Variants in UNC79 observed in about 807,000 individuals in gnomAD.
The protein encoded by UNC79 is unc-79 subunit of NALCN channel complex.
A neutral mutation model predicts 283.1 loss-of-function variants in UNC79; 37 were observed. That is an observed-to-expected ratio of 0.13 (90% CI 0.10 to 0.17). The LOEUF is 0.17. Ranked by LOEUF, UNC79 falls within the 10% of genes least tolerant of loss-of-function variation. The pLI is 1.00. For synonymous variants in UNC79, 1,107 were observed against 1,200.2 expected (o/e 0.92, Z 1.61); for missense variants, 2,272 against 3,211.1 (o/e 0.71, Z 7.07).
chr14:93,601,249 CCCCTTCCA>C (rs983411077), intron 25 of UNC79, among the ~76,000 whole-genome samples: 3 of 148,782 alleles, frequency 2.0e-5, no homozygotes, highest in African/African-American at 7.4e-5. Flanking sequence ...ATCCCTCACC[CCCCTTCCA>C]CCCTTCCCCC....
At chr14:93,566,521 A>G (rs1336997384) in intron 14 of UNC79, among the ~76,000 whole-genome samples, 1 of 152,112 alleles carries the variant, frequency 6.6e-6, no homozygotes, top group Non-Finnish European at 1.5e-5. Context: ...GTAACAGGCC[A>G]CCTGGTGGTC....
At chr14:93,633,585 A>C (rs751190723) in intron 31 of UNC79, among the ~76,000 whole-genome samples, 16 of 152,142 alleles carry the variant, frequency 1.1e-4, no homozygotes, top group Non-Finnish European at 2.2e-4. Context: ...GTTGTCAAAT[A>C]TACAAGGTAT....
At position 93,634,823 on chromosome 14, in the gene UNC79, G is replaced by T. The variant is rs755735811; in HGVS notation, c.5717-2393G>T. Among the ~76,000 whole-genome samples the T allele has an allele frequency of 2.0e-5, 3 of 152,122 alleles. No individual in the cohort carries two copies. The East Asian group carries it at 5.8e-4, about 29-fold the overall frequency. On this transcript the variant is annotated intron_variant, in intron 31 of 48. Transcript: ENST00000555664. ...CTTCCCAAGTGTTCTAGAGTGACAC[G>T]CTCTTCCGTTGAGGCTGGCCCAACT...
chr14:93,608,748 CA>C (rs1387784167), intron 26 of UNC79, among the ~76,000 whole-genome samples: 2 of 152,194 alleles, frequency 1.3e-5, no homozygotes, highest in African/African-American at 4.8e-5. Flanking sequence ...AGTCAGTTCA[CA>C]TAGAGAAACG....
chr14:93,505,599 C>T (rs74545561), intron 7 of UNC79, among the ~76,000 whole-genome samples: 3,125 of 151,972 alleles, frequency 0.021, 97 homozygotes, highest in African/African-American at 0.068. Flanking sequence ...TCAATACTTA[C>T]GATTTTTACC....
intron 4 of UNC79, among the ~76,000 whole-genome samples, chr14:93,485,756 C>T (rs995010572): frequency 5.9e-5 from 9 of 152,078 alleles, no homozygotes; most frequent in Admixed American, 2.0e-4. Flanking sequence ...GTATCACCGG[C>T]GTAGGCAGCT....
chr14:93,497,352 C>T, intron 7 of UNC79, 66 bp downstream of exon 7: 2 of 1,507,820 alleles, frequency 1.3e-6, no homozygotes, highest in Non-Finnish European at 8.8e-7. Flanking sequence ...GCCTCACCTA[C>T]TTATACATAC....
At chr14:93,584,060 G>T (rs1165195546) in intron 20 of UNC79, among the ~76,000 whole-genome samples, 1 of 152,044 alleles carries the variant, frequency 6.6e-6, no homozygotes, top group South Asian at 2.1e-4. Context: ...ACCCGTCTCG[G>T]CCTCCCAAAG....
intron 1 of UNC79, among the ~76,000 whole-genome samples, chr14:93,431,299 C>T (rs2055867093): frequency 6.6e-6 from 1 of 151,710 alleles, no homozygotes; most frequent in African/African-American, 2.4e-5. Context: ...TCTCAAGACT[C>T]AGAGACCCTG....
intron 7 of UNC79, among the ~76,000 whole-genome samples, chr14:93,518,701 G>A (rs111590130): frequency 0.012 from 1,849 of 151,632 alleles, 30 homozygotes; most frequent in African/African-American, 0.039. Flanking sequence ...TTTAATCATT[G>A]CTTTAGTTGC....
chr14:93,634,750 C>T, intron 31 of UNC79, 113 bp downstream of exon 34: 1 of 1,093,892 alleles, frequency 9.1e-7, no homozygotes, highest in Non-Finnish European at 1.4e-6. Context: ...TTCTTTGGTT[C>T]AGGTAATTTT....
At chr14:93,612,765 C>T in intron 26 of UNC79, 32 bp from the exon 28 acceptor site, 1 of 1,599,212 alleles carries the variant, frequency 6.3e-7, no homozygotes. Flanking sequence ...TGTGAGTGAG[C>T]CACCCACTGA....
exon 30 of UNC79, chr14:93,622,021 G>C: frequency 6.2e-7 from 1 of 1,613,930 alleles, no homozygotes; most frequent in Non-Finnish European, 8.5e-7. Flanking sequence ...TTGACTCGCC[G>C]GTAAAGCCTG....
intron 5 of UNC79, 104 bp downstream of exon 5, chr14:93,487,859 G>A: frequency 9.3e-7 from 1 of 1,070,432 alleles, no homozygotes; most frequent in Non-Finnish European, 1.3e-6. Flanking sequence ...CATCATCATA[G>A]AGATGTGTAG....
intron 1 of UNC79, among the ~76,000 whole-genome samples, chr14:93,387,189 C>T (rs370357673): frequency 5.9e-5 from 9 of 151,934 alleles, no homozygotes; most frequent in East Asian, 1.9e-4. Context: ...GTGATCCACC[C>T]GCCTCGGCCT....
At chr14:93,367,626 A>G (rs902058530) in intron 1 of UNC79, among the ~76,000 whole-genome samples, 1 of 135,566 alleles carries the variant, frequency 7.4e-6, no homozygotes, top group Non-Finnish European at 1.6e-5. Context: ...GGTATGGTAA[A>G]TTGAAAAAAT....
At chr14:93,628,279 C>T (rs1317005854) in intron 30 of UNC79, among the ~76,000 whole-genome samples, 1 of 152,180 alleles carries the variant, frequency 6.6e-6, no homozygotes, top group Non-Finnish European at 1.5e-5. Context: ...CCACAGTGAC[C>T]CCTTGTCAGG....
At chr14:93,537,925 C>A in intron 11 of UNC79, 64 bp from the exon 12 acceptor site, 1 of 1,507,138 alleles carries the variant, frequency 6.6e-7, no homozygotes, top group Non-Finnish European at 8.9e-7. Context: ...TTCATTTATT[C>A]TGATTCTTAG....
Position 93,690,021 on chromosome 14 carries a change from C to T in UNC79, c.7086-96C>T, listed in dbSNP as rs759729758. On this transcript the variant is annotated intron_variant, in intron 44 of 48. Transcript: ENST00000555664. This position sits in a 1 kb window ranked among gnomAD's most constrained non-coding sequence, Gnocchi z 4.3. ...TTGTTTTATGTGATTGCCTGCAAGACCACACTTTCAATCCCTTCCTTCAAT... is the reference window on the plus strand; with the variant it reads ...TTGTTTTATGTGATTGCCTGCAAGATCACACTTTCAATCCCTTCCTTCAAT... 4 of 1,384,864 alleles carry T rather than the reference C, an allele frequency of 2.9e-6. No homozygotes were observed. The African/African-American group carries it at 4.3e-5, about 15-fold the overall frequency. 85.8% of individuals were successfully genotyped at this position (1,384,864 alleles called of 1,614,324 possible). A position where few individuals can be genotyped will look rare whatever the true frequency, so the allele number is the denominator to read the frequency against.
Sources: allele counts gnomAD v4.1 joint callset (sites outside exome capture counted in the v4.1 genomes callset), GRCh38; gene constraint gnomAD v4.1.1; non-coding constraint Gnocchi (gnomAD v3.1); transcripts MANE v1.5; gene names NCBI Gene and HGNC (gene_info 2026-07-23, HGNC 2026-07-21).